Variants in ENTREP2 observed in about 807,000 individuals in gnomAD.
ENTREP2 encodes the protein protein ENTREP2.
At chr15:29,292,241 T>C in the ENTREP2 span, among the ~76,000 whole-genome samples, 1 of 152,254 alleles carries the variant, frequency 6.6e-6, no homozygotes, top group Non-Finnish European at 1.5e-5. Flanking sequence ...TAATTTCATA[T>C]ATGAATCTTC....
the ENTREP2 span, among the ~76,000 whole-genome samples, chr15:29,411,210 G>C: frequency 6.6e-6 from 1 of 152,176 alleles, no homozygotes; most frequent in Admixed American, 6.5e-5. Flanking sequence ...CAAGGTATAT[G>C]CTTATGAGTA....
At chr15:29,175,957 A>C in the ENTREP2 span, among the ~76,000 whole-genome samples, 96 of 152,276 alleles carry the variant, frequency 6.3e-4, no homozygotes, top group African/African-American at 2.2e-3. Flanking sequence ...CTCTCTCATG[A>C]CTACTTCTTT....
chr15:29,530,058 C>T, the ENTREP2 span, among the ~76,000 whole-genome samples: 15 of 152,240 alleles, frequency 9.9e-5, no homozygotes, highest in Admixed American at 3.9e-4. Context: ...CAGGGCCCCT[C>T]GTGCTTATAA....
the ENTREP2 span, among the ~76,000 whole-genome samples, chr15:29,548,743 A>G: frequency 5.3e-5 from 8 of 152,214 alleles, no homozygotes; most frequent in Non-Finnish European, 1.2e-4. Context: ...CATGAAGCAC[A>G]TAAGAAAAGA....
At chr15:29,545,979 G>C in the ENTREP2 span, among the ~76,000 whole-genome samples, 9 of 152,182 alleles carry the variant, frequency 5.9e-5, no homozygotes, top group African/African-American at 2.2e-4. Context: ...ATCACCACTA[G>C]ACATTTAAAT....
chr15:29,601,236 T>TA, the ENTREP2 span, among the ~76,000 whole-genome samples: 1 of 152,090 alleles, frequency 6.6e-6, no homozygotes, highest in Non-Finnish European at 1.5e-5. Flanking sequence ...GTAAAAACAT[T>TA]AAAATCTCTC....
the ENTREP2 span, among the ~76,000 whole-genome samples, chr15:29,298,407 C>A: frequency 6.6e-6 from 1 of 151,706 alleles, no homozygotes; most frequent in African/African-American, 2.4e-5. Flanking sequence ...AATAAAATTT[C>A]AAAATACAAT....
the ENTREP2 span, among the ~76,000 whole-genome samples, chr15:29,247,472 A>G: frequency 3.9e-5 from 6 of 152,350 alleles, no homozygotes; most frequent in Non-Finnish European, 7.3e-5. Context: ...TTGTCCTACC[A>G]TGTATAAAAA....
At chr15:29,375,122 C>T in the ENTREP2 span, 2 of 152,160 alleles carry the variant, frequency 1.3e-5, no homozygotes, top group Non-Finnish European at 2.9e-5. Context: ...TCCTTTGGAT[C>T]TTGCTTTTAA....
At chr15:29,286,543 G>A in the ENTREP2 span, among the ~76,000 whole-genome samples, 1 of 152,166 alleles carries the variant, frequency 6.6e-6, no homozygotes, top group African/African-American at 2.4e-5. Flanking sequence ...CTCCTTTTGT[G>A]GCCTGCTTTG....
chr15:29,314,655 C>T, the ENTREP2 span, among the ~76,000 whole-genome samples: 7 of 152,102 alleles, frequency 4.6e-5, no homozygotes, highest in South Asian at 1.0e-3. Flanking sequence ...TTGTGATATT[C>T]GCTTTATTGC....
chr15:29,432,811 G>A, the ENTREP2 span, among the ~76,000 whole-genome samples: 6 of 152,116 alleles, frequency 3.9e-5, no homozygotes, highest in East Asian at 1.2e-3. Flanking sequence ...ACGCAGCTGT[G>A]AGGAGCCCTC....
chr15:29,263,278 T>C, the ENTREP2 span, among the ~76,000 whole-genome samples: 1 of 152,214 alleles, frequency 6.6e-6, no homozygotes. Context: ...CATCTAATCT[T>C]CTGATAACAG....
chr15:29,352,792 T>C, the ENTREP2 span, among the ~76,000 whole-genome samples: 1 of 152,236 alleles, frequency 6.6e-6, no homozygotes, highest in Admixed American at 6.5e-5. Context: ...TTTTTGCTTA[T>C]CAACTTCCCT....
the ENTREP2 span, among the ~76,000 whole-genome samples, chr15:29,672,121 G>A: frequency 3.3e-5 from 5 of 152,098 alleles, no homozygotes; most frequent in South Asian, 2.1e-4. Flanking sequence ...CGAGTAGCTG[G>A]GATTACAGGC....
At chr15:29,345,826 C>T in the ENTREP2 span, among the ~76,000 whole-genome samples, 1 of 152,184 alleles carries the variant, frequency 6.6e-6, no homozygotes, top group South Asian at 2.1e-4. Context: ...ACCTCATTTA[C>T]ATCCCCAGGA....
At chr15:29,428,338 C>T in the ENTREP2 span, among the ~76,000 whole-genome samples, 17,508 of 152,118 alleles carry the variant, frequency 0.12, 1,169 homozygotes, top group East Asian at 0.31. Flanking sequence ...TTCAGCCTCC[C>T]GAGTAGCTGT....
At chr15:29,513,378 T>G in the ENTREP2 span, among the ~76,000 whole-genome samples, 1 of 152,194 alleles carries the variant, frequency 6.6e-6, no homozygotes, top group Non-Finnish European at 1.5e-5. Context: ...GTACTCTATT[T>G]GAAAAGGAAT....
At chr15:29,202,068 C>T in the ENTREP2 span, among the ~76,000 whole-genome samples, 1 of 152,252 alleles carries the variant, frequency 6.6e-6, no homozygotes, top group Non-Finnish European at 1.5e-5. Flanking sequence ...TAAAGCCATT[C>T]CTATTATTCC....
Sources: allele counts gnomAD v4.1 joint callset (sites outside exome capture counted in the v4.1 genomes callset), GRCh38; gene constraint gnomAD v4.1.1; transcripts MANE v1.5; gene names NCBI Gene and HGNC (gene_info 2026-07-23, HGNC 2026-07-21).